The following DDX11 variants were observed in gnomAD, a reference collection of about 807,000 sequenced individuals.
DDX11 encodes the protein DEAD/H-box helicase 11.
DDX11 carries 72 observed loss-of-function variants against 125.2 expected under a neutral mutation model. That is an observed-to-expected ratio of 0.58 (90% CI 0.48 to 0.70). The LOEUF is 0.70. Among genes scored for constraint, DDX11 ranks in the 30% least tolerant of loss-of-function variants. The pLI is 0.00. For missense variants in DDX11, 883 were observed against 1,165.0 expected, an observed-to-expected ratio of 0.76 and a Z score of 3.52; for synonymous variants, 347 against 452.6, an observed-to-expected ratio of 0.77 and a Z score of 2.96.
chr12:31,073,917 G>A lies in DDX11; in HGVS notation c.-179G>A, dbSNP rs1196023614. The A allele has an allele frequency of 6.6e-6, 1 of 152,268 alleles. No individual in the cohort carries two copies. The highest frequency in any genetic ancestry group is 1.5e-5 in the Non-Finnish European group (1 of 68,064). The allele number at this position is 152,268 out of a possible 1,614,324, so 9.4% of individuals were successfully genotyped here. The stretch of plus-strand genomic sequence containing the variant: ...GCCAGTTTCTAACTCAGTGGCGTTT[G>A]CCCTGATTCCCGGGGCCTGGCTTTC... On this transcript the variant is annotated 5_prime_UTR_variant, in exon 1 of 27. Coordinates refer to ENST00000542838, the MANE Select transcript of DDX11 (RefSeq NM_030653.4).
In DDX11 at chr12:31,078,503, G is replaced by T. The variant is rs1565839758; in HGVS notation, c.110G>T (p.Gly37Val). The part of the protein sequence containing the change: ...MAELYRVLEA[G>V]KIGIFESPTG... ...GAGCTGTACCGGGTTTTGGAGGCTG[G>T]CAAGATTGGGATATTTGAGAGTCCA... is the stretch of plus-strand genomic sequence containing the variant. The change falls in exon 2 of 27, where the codon GGC becomes GTC. Residue 37 changes from glycine to valine, a missense_variant. This residue lies in a region of DDX11 where 283 missense variants were observed against 359.6 expected (regional missense o/e 0.79). Coordinates refer to ENST00000542838, the MANE Select transcript of DDX11 (RefSeq NM_030653.4). 1 of 1,611,748 alleles carries T rather than the reference G, an allele frequency of 6.2e-7. No homozygotes were observed. Among genetic ancestry groups the T allele is most frequent in the Admixed American group, 1.7e-5 (1 of 60,008 alleles).
At chr12:31,089,684 G>A (rs2140717116) in intron 8 of DDX11, 194 bp downstream of exon 8, 1 of 1,186,296 alleles carries the variant, frequency 8.4e-7, no homozygotes, top group Non-Finnish European at 1.2e-6. Flanking sequence ...TCCTTGGCTT[G>A]GAGATGATTT....
intron 18 of DDX11, among the ~76,000 whole-genome samples, chr12:31,100,249 C>T (rs1287840915): frequency 6.6e-6 from 1 of 152,192 alleles, no homozygotes; most frequent in Non-Finnish European, 1.5e-5. Context: ...CTAGGAATGC[C>T]TGTTTCTCCA....
Position 31,085,231 on chromosome 12 carries a change from A to T in DDX11, c.638+105A>T, listed in dbSNP as rs1942892984. The T allele has an allele frequency of 1.6e-5, 23 of 1,406,638 alleles. No individual in the cohort carries two copies. The South Asian group carries it at 2.9e-4, about 17-fold the overall frequency. 87.1% of individuals were successfully genotyped at this position (1,406,638 alleles called of 1,614,324 possible). A position where few individuals can be genotyped will look rare whatever the true frequency, so the allele number is the denominator to read the frequency against. On this transcript the variant is annotated intron_variant, in intron 5 of 26. Coordinates refer to ENST00000542838, the MANE Select transcript of DDX11 (RefSeq NM_030653.4). ...TGCCATGAAGCACCTGGCAAGAGGC[A>T]TGGTGGCCTCTGCCCTCTGCTCTAA... is the stretch of plus-strand genomic sequence containing the variant.
chr12:31,093,327 G>A lies in DDX11; in HGVS notation c.1369+3G>A. ...GAAATTCGTGGCTGTGCTAGGGGGT[G>A]AGAGCCTCGTCCCCCTGCTGACCCC... On this transcript the variant is annotated splice_donor_region_variant and intron_variant, in intron 12 of 26. Transcript: ENST00000542838. The A allele has an allele frequency of 6.2e-7, 1 of 1,613,822 alleles. No homozygotes were observed. The highest frequency in any genetic ancestry group is 8.5e-7 in the Non-Finnish European group (1 of 1,179,804).
At chr12:31,092,574 A>G (rs1944424948) in intron 10 of DDX11, among the ~76,000 whole-genome samples, 1 of 151,776 alleles carries the variant, frequency 6.6e-6, no homozygotes, top group Admixed American at 6.6e-5. Flanking sequence ...GAAACTTAGC[A>G]GGGAGATTCC....
At position 31,089,423 on chromosome 12, in the gene DDX11, C is replaced by T. The variant is rs752456088; in HGVS notation, c.813C>T (p.Asp271=). The change falls in exon 8 of 27, where the codon GAC becomes GAT. Residue 271 remains aspartate (D), a synonymous_variant. Coordinates refer to ENST00000542838, the MANE Select transcript of DDX11 (RefSeq NM_030653.4). ...GSRQNLCVNE[D]VKSLGSVQLI... ...TGCAGAACCTTTGTGTAAATGAAGA[C>T]GTGAAAAGCCTAGGTTCTGTGCAGC... 5.6e-6 allele frequency: 9 copies of T among 1,613,822 alleles called. No homozygotes were observed. The East Asian group carries it at 6.7e-5, about 12-fold the overall frequency.
rs778612056 is a variant in DDX11 at position 31,089,066 on chromosome 12, A to G, written c.707A>G (p.His236Arg). ...ITKIYYCSRT[H>R]SQLAQFVHEV... ...TAGATTTATTACTGTAGTCGGACAC[A>G]CTCCCAGCTGGCCCAGTTTGTGCAT... is the stretch of plus-strand genomic sequence containing the variant. The change falls in exon 7 of 27, where the codon CAC becomes CGC. Residue 236 changes from histidine (H) to arginine (R), a missense_variant. Physicochemically the swap from His to Arg is conservative, Grantham distance 29. Transcript: ENST00000542838. 4 of 1,613,566 alleles carry G rather than the reference A, an allele frequency of 2.5e-6. No individual in the cohort carries two copies. The Middle Eastern group carries it at 5.0e-4, about 200-fold the overall frequency.
chr12:31,088,386 G>A (rs1319745406), intron 6 of DDX11, among the ~76,000 whole-genome samples: 3 of 152,122 alleles, frequency 2.0e-5, no homozygotes, highest in African/African-American at 7.2e-5. Flanking sequence ...TGAAATCTGG[G>A]TGTTTTCTGT....
chr12:31,099,637 C>G (rs996323817), intron 18 of DDX11, among the ~76,000 whole-genome samples: 2 of 151,474 alleles, frequency 1.3e-5, no homozygotes, highest in Non-Finnish European at 2.9e-5. Flanking sequence ...TCACGTGGAA[C>G]CAGGCTTCTC....
chr12:31,093,196 G>A (rs753351056), intron 11 of DDX11, 49 bp from the exon 12 acceptor site: 57 of 1,562,098 alleles, frequency 3.6e-5, no homozygotes, highest in Admixed American at 1.6e-4. Context: ...TGGGCGGGGC[G>A]AGTCGCCATC....
At chr12:31,085,245 C>G (rs1413398944) in intron 5 of DDX11, 119 bp downstream of exon 5, 98 of 1,358,584 alleles carry the variant, frequency 7.2e-5, no homozygotes, top group Admixed American at 9.9e-5. Flanking sequence ...TGGCCTCTGC[C>G]CTCTGCTCTA....
intron 12 of DDX11, 199 bp from the exon 13 acceptor site, chr12:31,094,391 A>T: frequency 2.5e-6 from 2 of 807,714 alleles, no homozygotes; most frequent in Non-Finnish European, 2.0e-6. Flanking sequence ...CAAGCACGTG[A>T]GTCAGACATG....
At position 31,074,054 on chromosome 12, in the gene DDX11, T is replaced by C. The variant is rs1296657668; in HGVS notation, c.-42T>C. 1 of 152,154 alleles carries C rather than the reference T, an allele frequency of 6.6e-6. No homozygotes were observed. Among genetic ancestry groups the C allele is most frequent in the Non-Finnish European group, 1.5e-5 (1 of 68,082 alleles). 9.4% of individuals were successfully genotyped at this position (152,154 alleles called of 1,614,324 possible). A position where few individuals can be genotyped will look rare whatever the true frequency, so the allele number is the denominator to read the frequency against. On this transcript the variant is annotated 5_prime_UTR_variant, in exon 1 of 27. Coordinates refer to ENST00000542838, the MANE Select transcript of DDX11 (RefSeq NM_030653.4). ...AGGGCAGACTGGTGAAATCGCAAAC[T>C]GGGCGTCTGTTCCGGCGCCGGACCC...
chr12:31,102,632 T>A, intron 23 of DDX11, 105 bp downstream of exon 23: 1 of 1,108,070 alleles, frequency 9.0e-7, no homozygotes, highest in South Asian at 1.3e-5. Context: ...AGCCCACAGC[T>A]GGGCTGCGAC....
At chr12:31,102,151 C>T in intron 21 of DDX11, 92 bp from the exon 22 acceptor site, 2 of 1,401,260 alleles carry the variant, frequency 1.4e-6, no homozygotes, top group East Asian at 2.3e-5. Context: ...TGAGGTTCTC[C>T]AGTCCCCTGG....
At chr12:31,099,713 T>C (rs1454667104) in intron 18 of DDX11, among the ~76,000 whole-genome samples, 1 of 152,108 alleles carries the variant, frequency 6.6e-6, no homozygotes, top group Non-Finnish European at 1.5e-5. Flanking sequence ...TCTTTTCAAT[T>C]TTAGAATTTG....
intron 3 of DDX11, among the ~76,000 whole-genome samples, 181 bp downstream of exon 3, chr12:31,084,242 G>T (rs1453521336): frequency 6.6e-6 from 1 of 152,194 alleles, no homozygotes; most frequent in Non-Finnish European, 1.5e-5. Flanking sequence ...TGAGCTGGAG[G>T]TCAGCAGGCC....
At position 31,104,076 on chromosome 12, in the gene DDX11, C is replaced by T. The variant is rs751214021; in HGVS notation, c.*240C>T. The stretch of plus-strand genomic sequence containing the variant: ...TCCTTGGGGCGTTCCAGGGCAGCTC[C>T]CCTCCTGGAATAGAATCTTTCTTTC... On this transcript the variant is annotated 3_prime_UTR_variant, in exon 27 of 27. Coordinates refer to ENST00000542838, the MANE Select transcript of DDX11 (RefSeq NM_030653.4). 2.5e-5 allele frequency: 39 copies of T among 1,529,830 alleles called. No homozygotes were observed. Among genetic ancestry groups the T allele is most frequent in the African/African-American group, 2.5e-4 (18 of 72,372 alleles). 94.8% of individuals were successfully genotyped at this position (1,529,830 alleles called of 1,614,324 possible). A position where few individuals can be genotyped will look rare whatever the true frequency, so the allele number is the denominator to read the frequency against.
Sources: gnomAD v4.1 joint callset for allele counts (sites outside exome capture counted in the v4.1 genomes callset) on GRCh38, gnomAD v4.1.1 for gene constraint, gnomAD v4.1.1 regional missense constraint, MANE v1.5 for transcripts, NCBI Gene and HGNC (gene_info 2026-07-23, HGNC 2026-07-21) for gene names.